DMRT3: variants seen among roughly 807,000 people sequenced by gnomAD.
DMRT3 encodes the protein doublesex- and mab-3-related transcription factor 3.
DMRT3 carries 29 observed loss-of-function variants against 34.9 expected under a neutral mutation model. That is an observed-to-expected ratio of 0.83 (90% CI 0.62 to 1.13). The LOEUF is 1.13. Among genes scored for constraint, DMRT3 ranks in the 50% most tolerant of loss-of-function variants. The probability of loss-of-function intolerance (pLI) is 0.00; values close to 1 mark genes in which losing one functional copy is unlikely to be tolerated. For synonymous variants in DMRT3, 350 were observed against 286.0 expected, an observed-to-expected ratio of 1.22 and a Z score of -2.26; for missense variants, 772 against 629.1, an observed-to-expected ratio of 1.23 and a Z score of -2.43.
In DMRT3 at chr9:979,526, CA is replaced by C. The variant is rs1820190819; in HGVS notation, c.454+2072del. On this transcript the variant is annotated intron_variant, in intron 1 of 1. Coordinates refer to ENST00000190165, the MANE Select transcript of DMRT3 (RefSeq NM_021240.4). ...GGCTCAGTTTCCAGCTGGTCACCCC[CA>C]CCCCCCCATACCTTGTACATTGATG... Among the ~76,000 whole-genome samples the C allele has an allele frequency of 2.0e-5, 3 of 152,174 alleles. No homozygotes were observed. In the South Asian group the frequency reaches 6.2e-4, roughly 32 times the overall value.
chr9:985,755 T>C (rs1820275809), intron 1 of DMRT3, among the ~76,000 whole-genome samples: 1 of 152,226 alleles, frequency 6.6e-6, no homozygotes, highest in African/African-American at 2.4e-5. Context: ...AGTCTTCCTT[T>C]GCCTAGTTTT....
intron 1 of DMRT3, among the ~76,000 whole-genome samples, chr9:981,144 G>C (rs911026623): frequency 2.0e-5 from 3 of 152,174 alleles, no homozygotes; most frequent in African/African-American, 7.2e-5. Context: ...GAAGTTAGGA[G>C]ATTTTGGAAA....
intron 1 of DMRT3, among the ~76,000 whole-genome samples, chr9:986,647 C>G (rs188079001): frequency 1.3e-5 from 2 of 152,092 alleles, no homozygotes; most frequent in African/African-American, 4.8e-5. Flanking sequence ...AATCCCAGCA[C>G]TTTGGGAGGC....
chr9:990,774 G>C lies in DMRT3; in HGVS notation c.1188G>C (p.Thr396=). ...ATGTCACCCTGTGGAACACCATGAC[G>C]CTGCAGCAGCAGTATCAGCTGAGGT... ...PNDVTLWNTM[T]LQQQYQLRSQ... The change falls in exon 2 of 2, where the codon ACG becomes ACC. Residue 396 remains threonine, a synonymous_variant. Transcript: ENST00000190165. 1 of 1,614,072 alleles carries C rather than the reference G, an allele frequency of 6.2e-7. No homozygotes were observed. Among genetic ancestry groups the C allele is most frequent in the Non-Finnish European group, 8.5e-7 (1 of 1,180,032 alleles).
intron 1 of DMRT3, among the ~76,000 whole-genome samples, chr9:982,665 G>A (rs546998408): frequency 1.7e-4 from 26 of 152,340 alleles, no homozygotes; most frequent in African/African-American, 5.3e-4. Context: ...CAGCTTTACA[G>A]AGAGAAAAGG....
chr9:977,487 G>A, intron 1 of DMRT3, 32 bp downstream of exon 1: 1 of 1,266,450 alleles, frequency 7.9e-7, no homozygotes, highest in Non-Finnish European at 1.0e-6. Flanking sequence ...GAGTTTGGCC[G>A]GGCGCGGGGG....
intron 1 of DMRT3, among the ~76,000 whole-genome samples, chr9:984,529 T>G (rs2130066099): frequency 6.6e-6 from 1 of 152,068 alleles, no homozygotes; most frequent in East Asian, 1.9e-4. Context: ...GATCTGCAGC[T>G]CACTGCAAGC....
intron 1 of DMRT3, 188 bp from the exon 2 acceptor site, chr9:989,853 A>C: frequency 1.5e-6 from 1 of 664,746 alleles, no homozygotes; most frequent in Admixed American, 3.4e-5. Flanking sequence ...CTAGATCTTT[A>C]TTTACAGGGT....
intron 1 of DMRT3, among the ~76,000 whole-genome samples, chr9:986,727 C>T (rs577513177): frequency 7.9e-5 from 12 of 152,050 alleles, no homozygotes; most frequent in South Asian, 4.2e-4. Context: ...CCTGTCTCTA[C>T]TACAAATACA....
intron 1 of DMRT3, among the ~76,000 whole-genome samples, chr9:980,997 A>G (rs1451072367): frequency 6.6e-6 from 1 of 152,196 alleles, no homozygotes; most frequent in African/African-American, 2.4e-5. Flanking sequence ...ACATTCTTTT[A>G]AATGCTTTTA....
At chr9:983,913 T>TG (rs1041038468) in intron 1 of DMRT3, among the ~76,000 whole-genome samples, 9 of 151,850 alleles carry the variant, frequency 5.9e-5, no homozygotes, top group African/African-American at 1.9e-4. Flanking sequence ...GGCTAGTTTT[T>TG]TTTTTTTTTT....
At chr9:982,360 G>A (rs1029925166) in intron 1 of DMRT3, among the ~76,000 whole-genome samples, 7 of 152,172 alleles carry the variant, frequency 4.6e-5, no homozygotes, top group African/African-American at 1.7e-4. Context: ...CTGCCATCTG[G>A]GAAAGAACCT....
In DMRT3 at chr9:990,772, A is replaced by G. The variant is rs1207706205; in HGVS notation, c.1186A>G (p.Thr396Ala). 3.1e-6 allele frequency: 5 copies of G among 1,614,154 alleles called. No homozygotes were observed. Among genetic ancestry groups the G allele is most frequent in the Non-Finnish European group, 4.2e-6 (5 of 1,180,032 alleles). ...TGATGTCACCCTGTGGAACACCATG[A>G]CGCTGCAGCAGCAGTATCAGCTGAG... The part of the protein sequence containing the change: ...PNDVTLWNTM[T>A]LQQQYQLRSQ... Residue 396 changes from threonine to alanine, a missense_variant, in exon 2 of 2, where the codon ACG becomes GCG. Physicochemically the swap from Thr to Ala is moderately conservative, Grantham distance 58 (BLOSUM62 0). Transcript: ENST00000190165.
Position 990,871 on chromosome 9 carries a change from G to C in DMRT3, c.1285G>C (p.Ala429Pro). 1 of 1,614,022 alleles carries C rather than the reference G, an allele frequency of 6.2e-7. No individual in the cohort carries two copies. The highest frequency in any genetic ancestry group is 1.3e-5 in the African/African-American group (1 of 74,994). Residue 429 changes from alanine (A) to proline (P), a missense_variant, in exon 2 of 2, where the codon GCC (alanine) becomes CCC (proline). By Grantham distance (27) the Ala-to-Pro change is conservative. Coordinates refer to ENST00000190165, the MANE Select transcript of DMRT3 (RefSeq NM_021240.4). ...FRSSPVLPAR[A>P]TEDPRISIPD... is the part of the protein sequence containing the mutation. ...AAGCTCGCCCGTCCTTCCTGCCCGCGCCACGGAAGACCCTCGGATTTCCAT... is the reference window on the plus strand; with the variant it reads ...AAGCTCGCCCGTCCTTCCTGCCCGCCCCACGGAAGACCCTCGGATTTCCAT...
At chr9:977,843 C>G (rs1164751334) in intron 1 of DMRT3, among the ~76,000 whole-genome samples, 1 of 152,186 alleles carries the variant, frequency 6.6e-6, no homozygotes, top group Non-Finnish European at 1.5e-5. Flanking sequence ...TTCCTGGCTG[C>G]AGGCTTTAGA....
Position 990,987 on chromosome 9 carries a change from ACT to A in DMRT3, c.1403_1404del (p.Leu468GlnfsTer43), listed in dbSNP as rs1478171037. On this transcript the variant is annotated frameshift_variant, in exon 2 of 2. Coordinates refer to ENST00000190165, the MANE Select transcript of DMRT3 (RefSeq NM_021240.4). LOFTEE classifies it high-confidence loss of function. ...GGTCTGACTCCTCAGACTCTAGAAC[ACT>A]CAACACATCATCTTAAAGTGGTGCT... is the stretch of plus-strand genomic sequence containing the variant. ...ERSDSSDSRT[L>X]NTSS 1.2e-6 allele frequency: 2 copies of A among 1,611,140 alleles called. No individual in the cohort carries two copies.
At position 990,037 on chromosome 9, in the gene DMRT3, C is replaced by T. The variant is rs1820332986; in HGVS notation, c.455-4C>T. ...AAGATTAACTCAGCTGTTCTGTTTT[C>T]CAGATTTGACTGAAGAACGACTTGG... On this transcript the variant is annotated splice_polypyrimidine_tract_variant and splice_region_variant and intron_variant, in intron 1 of 1. Coordinates refer to ENST00000190165, the MANE Select transcript of DMRT3 (RefSeq NM_021240.4). The T allele has an allele frequency of 6.2e-7, 1 of 1,613,570 alleles. No homozygotes were observed. Among genetic ancestry groups the T allele is most frequent in the South Asian group, 1.1e-5 (1 of 90,936 alleles).
rs1820343788 is a variant in DMRT3 at position 990,473 on chromosome 9, A to T, written c.887A>T (p.Glu296Val). 2 of 1,614,010 alleles carry T rather than the reference A, an allele frequency of 1.2e-6. No individual in the cohort carries two copies. Among genetic ancestry groups the T allele is most frequent in the African/African-American group, 1.3e-5 (1 of 74,914 alleles). The stretch of plus-strand genomic sequence containing the variant: ...AGCCGATCCTCAGTCACGGGAGCAG[A>T]GCGAACTTCCGCAGAACCTGAGAGT... Reference protein sequence around the residue: ...LSSRSSVTGAERTSAEPESLA... With the variant: ...LSSRSSVTGAVRTSAEPESLA... The change falls in exon 2 of 2, where the codon GAG becomes GTG. Residue 296 changes from glutamate (E) to valine (V), a missense_variant. Coordinates refer to ENST00000190165, the MANE Select transcript of DMRT3 (RefSeq NM_021240.4).
rs10978001 is a variant in DMRT3 at position 990,076 on chromosome 9, G to A, written c.490G>A (p.Ala164Thr). ...AGAACGACTTGGAGACGGCAAGTCG[G>A]CAGACAATACAGAGGTCTTCAGTGA... ...TEERLGDGKS[A>T]DNTEVFSDKD... The change falls in exon 2 of 2, where the codon GCA (alanine) becomes ACA (threonine). Residue 164 changes from alanine (A) to threonine (T), a missense_variant. Physicochemically the swap from Ala to Thr is moderately conservative, Grantham distance 58. Coordinates refer to ENST00000190165, the MANE Select transcript of DMRT3 (RefSeq NM_021240.4). 0.011 allele frequency: 17,624 copies of A among 1,613,744 alleles called. 459 individuals are homozygous for A. In the East Asian group the frequency reaches 0.12, roughly 11 times the overall value.
Sources: gnomAD v4.1 joint callset for allele counts (sites outside exome capture counted in the v4.1 genomes callset) on GRCh38, gnomAD v4.1.1 for gene constraint, MANE v1.5 for transcripts, NCBI Gene and HGNC (gene_info 2026-07-23, HGNC 2026-07-21) for gene names.